PCDHGA3: variants seen among roughly 807,000 people sequenced by gnomAD.
PCDHGA3 encodes protocadherin gamma-A3.
In PCDHGA3, 40 loss-of-function variants were observed where a neutral mutation model predicts 58.5. The ratio of observed to expected loss-of-function variants is 0.68; its 90% confidence interval spans 0.53 to 0.89. The LOEUF (loss-of-function observed/expected upper bound fraction) is 0.89, where lower values mean the gene tolerates loss of function less well. PCDHGA3 is among the 40% of genes least tolerant of loss of function. The pLI is 0.00. For synonymous variants in PCDHGA3, 530 were observed against 525.7 expected (o/e 1.01, Z -0.11); for missense variants, 1,223 against 1,195.9 (o/e 1.02, Z -0.33).
At chr5:141,388,579 T>A (rs113550354) in intron 1 of PCDHGA3, 7 of 1,613,908 alleles carry the variant, frequency 4.3e-6, no homozygotes, top group Non-Finnish European at 5.1e-6. Flanking sequence ...CACGTTCTAG[T>A]GACTGATGCC....
intron 1 of PCDHGA3, among the ~76,000 whole-genome samples, chr5:141,447,321 G>C (rs148203274): frequency 3.9e-5 from 6 of 152,068 alleles, no homozygotes; most frequent in Admixed American, 6.5e-5. Flanking sequence ...TGTATTTTTA[G>C]TAGAGACGGG....
In PCDHGA3 at chr5:141,477,486, C is replaced by T. The variant is rs1472326209; in HGVS notation, c.2425-17321C>T. On this transcript the variant is annotated intron_variant, in intron 1 of 3. Coordinates refer to ENST00000253812, the MANE Select transcript of PCDHGA3 (RefSeq NM_018916.4). This position sits in a 1 kb window ranked among gnomAD's most constrained non-coding sequence, Gnocchi z 4.9. ...GACATCAATGACAACCCTCCACAATCTTCTCAATCTTCCTACGACGTTTAC... is the reference window on the plus strand; with the variant it reads ...GACATCAATGACAACCCTCCACAATTTTCTCAATCTTCCTACGACGTTTAC... 6.2e-7 allele frequency: 1 copy of T among 1,614,052 alleles called. No individual in the cohort carries two copies. The highest frequency in any genetic ancestry group is 1.3e-5 in the African/African-American group (1 of 74,914).
intron 1 of PCDHGA3, chr5:141,395,804 A>C (rs150880061): frequency 6.6e-6 from 1 of 152,224 alleles, no homozygotes; most frequent in Non-Finnish European, 1.5e-5. Context: ...ACCATCCTTC[A>C]AAACATGAAC....
At chr5:141,355,606 G>A (rs1379031705) in intron 1 of PCDHGA3, 2 of 1,614,008 alleles carry the variant, frequency 1.2e-6, no homozygotes, top group East Asian at 2.2e-5. Context: ...TTTTGGGACA[G>A]AACAGAGGGA....
rs934034695 is a variant in PCDHGA3, at chr5:141,345,406, C to G, written c.1373C>G (p.Ser458Cys). The part of the protein sequence containing the change: ...NPPTFPHLSY[S>C]AYIPENNPRG... ...CCCACCTTCCCTCATTTATCCTACTCCGCCTACATTCCAGAAAACAACCCC... is the reference window on the plus strand; with the variant it reads ...CCCACCTTCCCTCATTTATCCTACTGCGCCTACATTCCAGAAAACAACCCC... The change falls in exon 1 of 4, where the codon TCC becomes TGC. Residue 458 changes from serine to cysteine, a missense_variant. Physicochemically the swap from Ser to Cys is moderately radical, Grantham distance 112. Around this residue, in one of 3 missense-constraint regions of PCDHGA3, gnomAD observed 791 missense variants for 708.5 expected, o/e 1.12. Coordinates refer to ENST00000253812, the MANE Select transcript of PCDHGA3 (RefSeq NM_018916.4). The G allele has an allele frequency of 1.9e-6, 3 of 1,614,020 alleles. No homozygotes were observed. The highest frequency in any genetic ancestry group is 1.7e-5 in the Admixed American group (1 of 60,002).
Position 141,370,589 on chromosome 5 carries a change from C to A in PCDHGA3, c.2424+24132C>A, listed in dbSNP as rs1373846949. 6.2e-7 allele frequency: 1 copy of A among 1,613,898 alleles called. No individual in the cohort carries two copies. The highest frequency in any genetic ancestry group is 1.1e-5 in the South Asian group (1 of 91,062). The stretch of plus-strand genomic sequence containing the variant: ...GCGTGGGGGATTTACCTACTAGGAA[C>A]CTGCGGGTTATTGCAGAGAAGAAAT... On this transcript the variant is annotated intron_variant, in intron 1 of 3. Transcript: ENST00000253812.
At chr5:141,361,818 G>A (rs745833230) in intron 1 of PCDHGA3, 8 of 1,613,098 alleles carry the variant, frequency 5.0e-6, no homozygotes, top group Non-Finnish European at 6.8e-6. Context: ...ATGCGCCACG[G>A]GTGCTGTACC....
intron 1 of PCDHGA3, chr5:141,361,052 A>G: frequency 6.2e-7 from 1 of 1,613,800 alleles, no homozygotes; most frequent in Non-Finnish European, 8.5e-7. Context: ...ACAAAGGATG[A>G]TTTGGATTTT....
intron 1 of PCDHGA3, chr5:141,413,820 C>G (rs967941133): frequency 5.6e-6 from 9 of 1,613,086 alleles, no homozygotes; most frequent in South Asian, 1.1e-5. Flanking sequence ...ACCACCTGGT[C>G]CTCACCGCCT....
chr5:141,421,634 A>G (rs771759412), intron 1 of PCDHGA3: 12 of 1,613,714 alleles, frequency 7.4e-6, no homozygotes, highest in South Asian at 1.1e-5. Context: ...AGCTTCCAGG[A>G]GGACGAAGTG....
intron 1 of PCDHGA3, among the ~76,000 whole-genome samples, chr5:141,467,814 A>G (rs2099152300): frequency 6.6e-6 from 1 of 151,978 alleles, no homozygotes; most frequent in Non-Finnish European, 1.5e-5. Flanking sequence ...ACATGCCACC[A>G]CACCAGGCTG....
chr5:141,492,846 A>G (rs1404624093), intron 1 of PCDHGA3, among the ~76,000 whole-genome samples: 1 of 152,184 alleles, frequency 6.6e-6, no homozygotes, highest in African/African-American at 2.4e-5. Flanking sequence ...AGGAAGTGAA[A>G]GCCTCGAGCG....
rs768509409 is a variant in PCDHGA3 at position 141,489,236 on chromosome 5, G to C, written c.2425-5571G>C. 1 of 1,531,176 alleles carries C rather than the reference G, an allele frequency of 6.5e-7. No homozygotes were observed. 94.8% of individuals were successfully genotyped at this position (1,531,176 alleles called of 1,614,324 possible). On this transcript the variant is annotated intron_variant, in intron 1 of 3. Transcript: ENST00000253812. The surrounding 1 kb of genome is among the most constrained non-coding windows in gnomAD (Gnocchi z 4.5). The stretch of plus-strand genomic sequence containing the variant: ...ACTTACTCTCCACAAAGGGACTTCT[G>C]GGTCATGGGGCCCAAGACACTCCCA...
At position 141,345,495 on chromosome 5, in the gene PCDHGA3, A is replaced by T; in HGVS notation, c.1462A>T (p.Thr488Ser). 2 of 1,614,106 alleles carry T rather than the reference A, an allele frequency of 1.2e-6. No homozygotes were observed. Among genetic ancestry groups the T allele is most frequent in the Non-Finnish European group, 1.7e-6 (2 of 1,179,998 alleles). ...AGATAGCAACAACAACGCCCGCATC[A>T]CTTATGCATTGACCGAGGACACTCT... is the stretch of plus-strand genomic sequence containing the variant. ...DPDSNNNARI[T>S]YALTEDTLQG... The change falls in exon 1 of 4, where the codon ACT becomes TCT. Residue 488 changes from threonine to serine, a missense_variant. Coordinates refer to ENST00000253812, the MANE Select transcript of PCDHGA3 (RefSeq NM_018916.4).
chr5:141,364,890 A>G (rs765566914), intron 1 of PCDHGA3: 2 of 1,613,858 alleles, frequency 1.2e-6, no homozygotes, highest in African/African-American at 2.7e-5. Flanking sequence ...AGCGGAACTG[A>G]TGGACAAAAG....
chr5:141,479,000 T>C (rs2099485433), intron 1 of PCDHGA3, among the ~76,000 whole-genome samples: 1 of 152,244 alleles, frequency 6.6e-6, no homozygotes, highest in Non-Finnish European at 1.5e-5. Flanking sequence ...TTAAAACTAA[T>C]AGCTTTTTGA....
intron 1 of PCDHGA3, chr5:141,351,790 G>T (rs3749778): frequency 0.047 from 76,278 of 1,613,396 alleles, 1,925 homozygotes; most frequent in African/African-American, 0.069. Flanking sequence ...GCGGGGTGGT[G>T]TTCGCGCAGC....
intron 1 of PCDHGA3, chr5:141,427,865 G>T: frequency 6.4e-7 from 1 of 1,558,148 alleles, no homozygotes; most frequent in Non-Finnish European, 8.8e-7. Context: ...GCGCCTTCGA[G>T]CTCACGATGC....
chr5:141,365,833 G>T (rs1457711809), intron 1 of PCDHGA3: 2 of 1,613,920 alleles, frequency 1.2e-6, no homozygotes, highest in Non-Finnish European at 8.5e-7. Context: ...GGGCGCCCTT[G>T]TCCTCCTATG....
Sources: allele counts gnomAD v4.1 joint callset (sites outside exome capture counted in the v4.1 genomes callset), GRCh38; gene constraint gnomAD v4.1.1; regional missense constraint gnomAD v4.1.1; non-coding constraint Gnocchi (gnomAD v3.1); transcripts MANE v1.5; gene names NCBI Gene and HGNC (gene_info 2026-07-23, HGNC 2026-07-21).